Variants in GALC observed in about 807,000 individuals in gnomAD.
GALC encodes galactocerebrosidase.
Under a neutral mutation model 91.8 loss-of-function variants are expected in GALC, and 77 were observed. That is an observed-to-expected ratio of 0.84 (90% confidence interval 0.70 to 1.01). The LOEUF (loss-of-function observed/expected upper bound fraction) is 1.01, where lower values mean the gene tolerates loss of function less well. Ranked by LOEUF, GALC falls within the 50% of genes least tolerant of loss-of-function variation. GALC has a pLI of 0.00. For synonymous variants in GALC, 357 were observed against 306.7 expected (o/e 1.16, Z -1.71); for missense variants, 882 against 855.9 (o/e 1.03, Z -0.38).
In GALC at chr14:87,947,831, C is replaced by T; in HGVS notation, c.1386G>A (p.Glu462=). ...GSFTLSLHED[E]LFTLTTLTTG... The stretch of plus-strand genomic sequence containing the variant: ...TGGTGAGAGTGGTGAGTGTGAACAG[C>T]TCATCTTCATGCAGGCTCAGTGTGA... The change falls in exon 13 of 17, where the codon GAG becomes GAA. Residue 462 remains glutamate, a synonymous_variant. Transcript: ENST00000261304. 6.2e-7 allele frequency: 1 copy of T among 1,612,678 alleles called. No individual in the cohort carries two copies. The highest frequency in any genetic ancestry group is 8.5e-7 in the Non-Finnish European group (1 of 1,179,144).
intron 15 of GALC, among the ~76,000 whole-genome samples, chr14:87,941,193 C>A (rs1348290266): frequency 1.3e-5 from 2 of 151,862 alleles, no homozygotes; most frequent in African/African-American, 2.4e-5. Flanking sequence ...ATTTTCCCTT[C>A]CACAGAGCTG....
intron 10 of GALC, among the ~76,000 whole-genome samples, chr14:87,956,582 CACCA>C (rs1885560255): frequency 2.4e-5 from 3 of 124,270 alleles, no homozygotes; most frequent in Non-Finnish European, 5.3e-5. Context: ...TATACACACA[CACCA>C]TATATATACA....
chr14:87,979,043 T>C (rs929430789), intron 6 of GALC, among the ~76,000 whole-genome samples: 4 of 151,996 alleles, frequency 2.6e-5, no homozygotes, highest in African/African-American at 9.7e-5. Context: ...TCTTTTTTTT[T>C]CTTTTCTTTT....
chr14:87,940,374 AATAGTATTAACTT>A (rs890848639), intron 15 of GALC, among the ~76,000 whole-genome samples: 3 of 151,952 alleles, frequency 2.0e-5, no homozygotes, highest in Non-Finnish European at 4.4e-5. Flanking sequence ...GTCACATGGT[AATAGTATTAACTT>A]AGAGGGAGAA....
In GALC at chr14:87,957,433, C is replaced by T. The variant is rs28823368; in HGVS notation, c.1161+5951G>A. On this transcript the variant is annotated intron_variant, in intron 10 of 16. Transcript: ENST00000261304. ...TCCATCTTGAGTTAATTTCTGTATA[C>T]GGTGAGGTGAGAGGTAGGGATGCAG... is the stretch of plus-strand genomic sequence containing the variant. 4.1e-3 allele frequency among the ~76,000 whole-genome samples: 619 copies of T among 151,924 alleles called. 6 individuals are homozygous for T. The highest frequency in any genetic ancestry group is 0.014 in the African/African-American group (585 of 41,462).
rs1886978967 is a variant in GALC, at chr14:87,986,521, GCTT to G, written c.407_409del (p.Glu136del). The stretch of plus-strand genomic sequence containing the variant: ...TGTAATATTGGGATTCCTCTTCTTA[GCTT>G]CTTTCATCAACCACCACTCGTATCC... On this transcript the variant is annotated inframe_deletion, in exon 4 of 17. Transcript: ENST00000261304. 6.2e-7 allele frequency: 1 copy of G among 1,611,244 alleles called. No homozygotes were observed. The highest frequency in any genetic ancestry group is 1.3e-5 in the African/African-American group (1 of 74,858).
rs1467489246 is a variant in GALC, at chr14:87,988,509, A to G, written c.210T>C (p.Leu70=). The part of the protein sequence containing the change: ...AVSGGGATSR[L]LVNYPEPYRS... ...GATAGGGCTCTGGGTAATTTACTAG[A>G]AGTCGGGAGGTTGCCTAAAAAAAAA... Residue 70 remains leucine, a synonymous_variant, in exon 2 of 17, where the codon CTT becomes CTC. Transcript: ENST00000261304. 1 of 1,611,686 alleles carries G rather than the reference A, an allele frequency of 6.2e-7. No homozygotes were observed. The highest frequency in any genetic ancestry group is 8.5e-7 in the Non-Finnish European group (1 of 1,177,848).
chr14:87,977,044 G>GA (rs1886528530), intron 6 of GALC, among the ~76,000 whole-genome samples: 1 of 124,672 alleles, frequency 8.0e-6, no homozygotes, highest in African/African-American at 3.4e-5. Flanking sequence ...GGGGGGGGGG[G>GA]ATGAAACAAA....
chr14:87,990,307 C>A (rs1181176435), intron 1 of GALC, among the ~76,000 whole-genome samples: 1 of 152,072 alleles, frequency 6.6e-6, no homozygotes, highest in Non-Finnish European at 1.5e-5. Context: ...GTCTTTGAGT[C>A]AAATGGAGTT....
At chr14:87,948,792 AC>A (rs1190030936) in intron 12 of GALC, among the ~76,000 whole-genome samples, 4 of 151,982 alleles carry the variant, frequency 2.6e-5, no homozygotes, top group African/African-American at 9.7e-5. Context: ...AAAAGTATGA[AC>A]TTTTTTTTCA....
At chr14:87,953,581 CTG>C (rs1354813581) in intron 10 of GALC, 1 of 1,609,492 alleles carries the variant, frequency 6.2e-7, no homozygotes, top group Non-Finnish European at 8.5e-7. Flanking sequence ...CTCAGGAATA[CTG>C]TGTTCCCAAC....
intron 10 of GALC, among the ~76,000 whole-genome samples, chr14:87,961,487 T>A (rs571480291): frequency 6.6e-6 from 1 of 152,262 alleles, no homozygotes; most frequent in Non-Finnish European, 1.5e-5. Context: ...TGAAAACACG[T>A]TCACAGAAAA....
intron 16 of GALC, among the ~76,000 whole-genome samples, chr14:87,936,522 A>G (rs1286775014): frequency 6.6e-6 from 1 of 151,798 alleles, no homozygotes; most frequent in Non-Finnish European, 1.5e-5. Flanking sequence ...GAAGTCTAAA[A>G]TATTTACTAT....
chr14:87,954,985 T>C (rs902078680), intron 10 of GALC: 9 of 1,413,030 alleles, frequency 6.4e-6, no homozygotes, highest in Non-Finnish European at 9.0e-6. Flanking sequence ...TTTTGCAGAC[T>C]GCCTCAACAG....
intron 3 of GALC, chr14:87,987,166 C>G (rs1887011247): frequency 5.1e-6 from 2 of 395,924 alleles, no homozygotes; most frequent in Non-Finnish European, 9.8e-6. Flanking sequence ...GTTACATTGT[C>G]TTAGCACTGA....
intron 10 of GALC, among the ~76,000 whole-genome samples, chr14:87,951,062 A>C (rs1469818813): frequency 4.6e-5 from 7 of 151,864 alleles, no homozygotes; most frequent in African/African-American, 1.4e-4. Flanking sequence ...AAAATACATC[A>C]AATAAAAAGC....
Position 87,968,360 on chromosome 14 carries a change from T to G in GALC, c.883A>C (p.Asn295His). The change falls in exon 8 of 17, where the codon AAT becomes CAT. Residue 295 changes from asparagine (N) to histidine (H), a missense_variant. Physicochemically the swap from Asn to His is moderately conservative, Grantham distance 68. Coordinates refer to ENST00000261304, the MANE Select transcript of GALC (RefSeq NM_000153.4). ...AGCWGRILNQ[N>H]YINGYMTSTI... ...GAAGTCATATAGCCATTGATATAAT[T>G]CTGATTTAAAATGCGACCCCAGCAG... 6.2e-7 allele frequency: 1 copy of G among 1,613,552 alleles called. No homozygotes were observed. The highest frequency in any genetic ancestry group is 8.5e-7 in the Non-Finnish European group (1 of 1,179,700).
At position 87,982,224 on chromosome 14, in the gene GALC, T is replaced by C; in HGVS notation, c.602A>G (p.Tyr201Cys). Residue 201 changes from tyrosine to cysteine, a missense_variant, in exon 6 of 17, where the codon TAT becomes TGT. Transcript: ENST00000261304. ...DYIGIWNERSYNANYIKILRK... is the reference protein window; with the variant it reads ...DYIGIWNERSCNANYIKILRK... ...ACACACCTTAATATAATTGGCATTA[T>C]ATGACCTCTCATTCCAAATCTGCAA... is the stretch of plus-strand genomic sequence containing the variant. The C allele has an allele frequency of 6.3e-7, 1 of 1,583,254 alleles. No individual in the cohort carries two copies. The highest frequency in any genetic ancestry group is 8.7e-7 in the Non-Finnish European group (1 of 1,152,798).
At chr14:87,973,823 T>C (rs957106126) in intron 7 of GALC, among the ~76,000 whole-genome samples, 3 of 152,204 alleles carry the variant, frequency 2.0e-5, no homozygotes, top group Non-Finnish European at 1.5e-5. Flanking sequence ...TCCATCGGAT[T>C]CCAGTGGCAC....
Sources: gnomAD v4.1 joint callset for allele counts (sites outside exome capture counted in the v4.1 genomes callset) on GRCh38, gnomAD v4.1.1 for gene constraint, MANE v1.5 for transcripts, NCBI Gene and HGNC (gene_info 2026-07-23, HGNC 2026-07-21) for gene names.